The following ELMO1 variants were observed in gnomAD, a reference collection of about 807,000 sequenced individuals.
ELMO1 encodes engulfment and cell motility 1.
A neutral mutation model predicts 98.9 loss-of-function variants in ELMO1; 26 were observed. The ratio of observed to expected loss-of-function variants is 0.26; its 90% CI spans 0.19 to 0.36. The LOEUF (loss-of-function observed/expected upper bound fraction) is 0.36, where lower values mean the gene tolerates loss of function less well. Among genes scored for constraint, ELMO1 ranks in the 10% least tolerant of loss-of-function variants. The probability of loss-of-function intolerance (pLI) is 1.00; values close to 1 mark genes in which losing one functional copy is unlikely to be tolerated. For synonymous variants in ELMO1, 346 were observed against 346.0 expected (o/e 1.00, Z 0.00); for missense variants, 627 against 935.2 (o/e 0.67, Z 4.30).
At chr7:37,366,641 C>A (rs1801912454) in intron 1 of ELMO1, among the ~76,000 whole-genome samples, 1 of 152,212 alleles carries the variant, frequency 6.6e-6, no homozygotes, top group African/African-American at 2.4e-5. Context: ...CGTCCTCACA[C>A]AATGAGCCTC....
At chr7:37,221,753 G>C (rs961923688) in intron 10 of ELMO1, among the ~76,000 whole-genome samples, 1 of 151,728 alleles carries the variant, frequency 6.6e-6, no homozygotes, top group African/African-American at 2.4e-5. Context: ...GAGTACAGCA[G>C]TGTGATGTCA....
chr7:36,988,981 C>T (rs1168000372), intron 16 of ELMO1, among the ~76,000 whole-genome samples: 1 of 152,182 alleles, frequency 6.6e-6, no homozygotes, highest in Non-Finnish European at 1.5e-5. Flanking sequence ...AGAATACAAA[C>T]CTGATTGAAA....
chr7:37,172,004 A>T (rs1790199593), intron 13 of ELMO1, among the ~76,000 whole-genome samples: 1 of 152,228 alleles, frequency 6.6e-6, no homozygotes, highest in South Asian at 2.1e-4. Flanking sequence ...TTTTAAAAAT[A>T]AAAATTTGTC....
At chr7:37,272,266 A>G (rs1027691670) in intron 4 of ELMO1, among the ~76,000 whole-genome samples, 2 of 152,260 alleles carry the variant, frequency 1.3e-5, no homozygotes, top group Non-Finnish European at 2.9e-5. Flanking sequence ...TCACAGAAAC[A>G]TTATCTATAA....
intron 15 of ELMO1, among the ~76,000 whole-genome samples, chr7:37,043,101 G>GT (rs1490005317): frequency 2.6e-5 from 4 of 152,146 alleles, no homozygotes; most frequent in African/African-American, 7.2e-5. Flanking sequence ...ACTGTGGCAG[G>GT]TTCAGGAGGC....
intron 10 of ELMO1, among the ~76,000 whole-genome samples, chr7:37,219,923 A>G (rs2130510410): frequency 6.6e-6 from 1 of 152,372 alleles, no homozygotes; most frequent in Non-Finnish European, 1.5e-5. Context: ...CTATTTGCCA[A>G]AAATTCAGAA....
intron 13 of ELMO1, among the ~76,000 whole-genome samples, chr7:37,144,380 T>C (rs1342910960): frequency 6.6e-6 from 1 of 152,120 alleles, no homozygotes; most frequent in Non-Finnish European, 1.5e-5. Context: ...CGCCAAAACA[T>C]TTAAAAGCTT....
intron 6 of ELMO1, among the ~76,000 whole-genome samples, chr7:37,257,556 C>T (rs1795739159): frequency 6.7e-6 from 1 of 149,774 alleles, no homozygotes; most frequent in South Asian, 2.1e-4. Flanking sequence ...AACCCTGTCT[C>T]TACTAAAAAT....
chr7:37,225,325 T>C (rs1156946105), intron 8 of ELMO1, among the ~76,000 whole-genome samples: 1 of 152,218 alleles, frequency 6.6e-6, no homozygotes, highest in East Asian at 1.9e-4. Context: ...CTGAGTTTCA[T>C]CTTTTAGGGG....
At chr7:37,408,243 C>G (rs908378230) in intron 1 of ELMO1, among the ~76,000 whole-genome samples, 3 of 152,156 alleles carry the variant, frequency 2.0e-5, no homozygotes, top group Non-Finnish European at 4.4e-5. Flanking sequence ...TAATCACAAC[C>G]GGTTACACAA....
chr7:36,904,660 C>T (rs1328795310), intron 16 of ELMO1, among the ~76,000 whole-genome samples: 6 of 152,186 alleles, frequency 3.9e-5, no homozygotes, highest in Non-Finnish European at 1.5e-5. Flanking sequence ...AAAACGTTAA[C>T]CAGCAATTCA....
At chr7:37,208,008 C>T (rs961931468) in intron 13 of ELMO1, among the ~76,000 whole-genome samples, 2 of 152,154 alleles carry the variant, frequency 1.3e-5, no homozygotes, top group African/African-American at 4.8e-5. Flanking sequence ...AATGTGATGC[C>T]CATCTGCCTC....
chr7:37,142,423 G>A (rs1293915156), intron 13 of ELMO1, among the ~76,000 whole-genome samples: 1 of 152,160 alleles, frequency 6.6e-6, no homozygotes, highest in Non-Finnish European at 1.5e-5. Flanking sequence ...CACCTGGTAG[G>A]TGCTATTCTT....
chr7:37,131,473 G>A (rs1269632340), intron 14 of ELMO1, among the ~76,000 whole-genome samples: 2 of 152,124 alleles, frequency 1.3e-5, no homozygotes, highest in African/African-American at 4.8e-5. Flanking sequence ...TGCTTCTTAT[G>A]CAATTAACAA....
At chr7:37,373,903 G>C (rs1802220094) in intron 1 of ELMO1, among the ~76,000 whole-genome samples, 7 of 152,142 alleles carry the variant, frequency 4.6e-5, no homozygotes, top group Admixed American at 4.6e-4. Context: ...CAATCAATGA[G>C]AAAATAAAAC....
intron 13 of ELMO1, among the ~76,000 whole-genome samples, chr7:37,189,467 T>C (rs1393308158): frequency 6.6e-6 from 1 of 152,174 alleles, no homozygotes; most frequent in Non-Finnish European, 1.5e-5. Flanking sequence ...ATATAACATA[T>C]GCTATATAAC....
At chr7:37,287,351 G>A (rs1422994044) in intron 4 of ELMO1, among the ~76,000 whole-genome samples, 1 of 152,206 alleles carries the variant, frequency 6.6e-6, no homozygotes, top group Admixed American at 6.5e-5. Context: ...GGGTTTGGCT[G>A]TGTTCCAGTA....
chr7:37,049,401 A>T (rs935750288), intron 15 of ELMO1, among the ~76,000 whole-genome samples: 1 of 152,180 alleles, frequency 6.6e-6, no homozygotes, highest in African/African-American at 2.4e-5. Context: ...GAAACCAATT[A>T]AAACTATGTG....
intron 1 of ELMO1, among the ~76,000 whole-genome samples, chr7:37,422,100 A>T (rs1485172657): frequency 1.3e-5 from 2 of 152,264 alleles, no homozygotes; most frequent in African/African-American, 4.8e-5. Flanking sequence ...TGTTTAGAAC[A>T]TCTGGCTAAC....
Sources: allele counts gnomAD v4.1 joint callset (sites outside exome capture counted in the v4.1 genomes callset), GRCh38; gene constraint gnomAD v4.1.1; transcripts MANE v1.5; gene names NCBI Gene and HGNC (gene_info 2026-07-23, HGNC 2026-07-21).